Variants in ARHGEF18 observed in about 807,000 individuals in gnomAD.
ARHGEF18 encodes rho guanine nucleotide exchange factor 18.
In ARHGEF18, 93 loss-of-function variants were observed where a neutral mutation model predicts 155.7. That is an observed-to-expected ratio of 0.60 (90% CI 0.50 to 0.71). The LOEUF is 0.71. Among genes scored for constraint, ARHGEF18 ranks in the 30% least tolerant of loss-of-function variants. ARHGEF18 has a pLI of 0.00. For synonymous variants in ARHGEF18, 742 were observed against 753.1 expected, an observed-to-expected ratio of 0.99 and a Z score of 0.24; for missense variants, 1,593 against 1,816.1, an observed-to-expected ratio of 0.88 and a Z score of 2.23.
chr19:7,356,506 G>A (rs555516709), intron 1 of ARHGEF18, among the ~76,000 whole-genome samples: 5 of 151,954 alleles, frequency 3.3e-5, no homozygotes, highest in Middle Eastern at 3.4e-3. Flanking sequence ...ACTCCTGACC[G>A]CAGGTGATCC....
chr19:7,406,571 A>T (rs1972319547), intron 10 of ARHGEF18, among the ~76,000 whole-genome samples: 1 of 152,124 alleles, frequency 6.6e-6, no homozygotes, highest in African/African-American at 2.4e-5. Context: ...TTATAGATTC[A>T]GAGAGGGCAA....
At position 7,444,276 on chromosome 19, in the gene ARHGEF18, AG is replaced by A. The variant is rs1339494909; in HGVS notation, c.1435del (p.Glu479ArgfsTer68). 2 of 1,613,704 alleles carry A rather than the reference AG, an allele frequency of 1.2e-6. No individual in the cohort carries two copies. Among genetic ancestry groups the A allele is most frequent in the Non-Finnish European group, 1.7e-6 (2 of 1,180,026 alleles). ...IMLKVYSRAL[Q>X]EELQFSSKAI... ...CTGAAGGTGTACTCCAGGGCCCTGCAGGAGGAGCTGCAGTTCAGCAGCAAGG... is the reference window on the plus strand; with the variant it reads ...CTGAAGGTGTACTCCAGGGCCCTGCAGAGGAGCTGCAGTTCAGCAGCAAGG... On this transcript the variant is annotated frameshift_variant, in exon 14 of 29. Coordinates refer to ENST00000668164, the MANE Select transcript of ARHGEF18 (RefSeq NM_001367823.1). LOFTEE classifies it high-confidence loss of function. This position sits in a 1 kb window ranked among gnomAD's most constrained non-coding sequence, Gnocchi z 4.7.
At chr19:7,445,969 C>T (rs907992085) in intron 14 of ARHGEF18, among the ~76,000 whole-genome samples, 4 of 152,050 alleles carry the variant, frequency 2.6e-5, no homozygotes, top group Admixed American at 6.6e-5. Context: ...CTTTTTTTCT[C>T]GGCTCTCAGG....
intron 2 of ARHGEF18, among the ~76,000 whole-genome samples, chr19:7,363,687 GAGA>G (rs912898933): frequency 1.3e-5 from 2 of 151,672 alleles, no homozygotes; most frequent in African/African-American, 2.4e-5. Flanking sequence ...GTGGATGGAT[GAGA>G]AGAAATGTGA....
At position 7,385,945 on chromosome 19, in the gene ARHGEF18, C is replaced by CCT. The variant is rs1380908653; in HGVS notation, c.967+2754_967+2755dup. On this transcript the variant is annotated intron_variant, in intron 10 of 28. Coordinates refer to ENST00000668164, the MANE Select transcript of ARHGEF18 (RefSeq NM_001367823.1). ...CTCTCTCTCTCTCTCTCCCCCTCTC[C>CCT]CTCTCTCTCTCTCCCTCCCCCTCTC... is the stretch of plus-strand genomic sequence containing the variant. Among the ~76,000 whole-genome samples the CCT allele has an allele frequency of 9.2e-3, 618 of 66,916 alleles. 20 individuals are homozygous for CCT. The highest frequency in any genetic ancestry group is 0.023 in the South Asian group (33 of 1,408). The allele number at this position is 66,916 out of a possible 152,430, so 43.9% of individuals were successfully genotyped here.
intron 23 of ARHGEF18, among the ~76,000 whole-genome samples, chr19:7,465,939 C>T (rs1421389386): frequency 6.6e-6 from 1 of 151,898 alleles, no homozygotes; most frequent in Non-Finnish European, 1.5e-5. Flanking sequence ...TAAAAATTAG[C>T]TGGACGTGGT....
At chr19:7,387,955 G>GA (rs1971179068) in intron 10 of ARHGEF18, among the ~76,000 whole-genome samples, 1 of 150,622 alleles carries the variant, frequency 6.6e-6, no homozygotes, top group African/African-American at 2.4e-5. Context: ...ATGAGCCACC[G>GA]TGTCTGGCTC....
chr19:7,378,309 G>A (rs1469236723), intron 5 of ARHGEF18, 85 bp from the exon 6 acceptor site: 7 of 1,051,958 alleles, frequency 6.7e-6, no homozygotes, highest in Non-Finnish European at 8.5e-6. Context: ...GGGGCCCAGG[G>A]TGGCATCCGG....
chr19:7,364,342 A>C (rs557689542), intron 2 of ARHGEF18, among the ~76,000 whole-genome samples: 1 of 106,846 alleles, frequency 9.4e-6, no homozygotes, highest in Non-Finnish European at 2.0e-5. Flanking sequence ...GATGAGAGGA[A>C]GAAAGGAAGG....
At chr19:7,392,340 T>G (rs1971452228) in intron 10 of ARHGEF18, among the ~76,000 whole-genome samples, 1 of 150,972 alleles carries the variant, frequency 6.6e-6, no homozygotes, top group African/African-American at 2.4e-5. Context: ...TCTGAGAAAG[T>G]TGGTTTCTAT....
At chr19:7,391,084 C>T (rs1235311243) in intron 10 of ARHGEF18, among the ~76,000 whole-genome samples, 2 of 151,848 alleles carry the variant, frequency 1.3e-5, no homozygotes, top group Admixed American at 1.3e-4. Context: ...AAATCACAGA[C>T]CCTAACCCTG....
At chr19:7,355,530 C>A in intron 1 of ARHGEF18, 1 of 784,552 alleles carries the variant, frequency 1.3e-6, no homozygotes, top group Non-Finnish European at 1.5e-6. Flanking sequence ...TCTGGCAGAC[C>A]TTGGAGGCAG....
chr19:7,417,871 C>T (rs1417310178), intron 10 of ARHGEF18, among the ~76,000 whole-genome samples: 1 of 152,048 alleles, frequency 6.6e-6, no homozygotes, highest in Non-Finnish European at 1.5e-5. Flanking sequence ...TGGGTGGGGC[C>T]AGAGGTCCTG....
chr19:7,452,155 G>A (rs1372946532), intron 16 of ARHGEF18, among the ~76,000 whole-genome samples: 1 of 152,260 alleles, frequency 6.6e-6, no homozygotes, highest in Non-Finnish European at 1.5e-5. Context: ...CTCAGTGTTA[G>A]TGTCTGTGGA....
At chr19:7,466,855 G>T in intron 23 of ARHGEF18, 63 bp from the exon 24 acceptor site, 1 of 1,156,634 alleles carries the variant, frequency 8.6e-7, no homozygotes, top group Non-Finnish European at 1.2e-6. Flanking sequence ...GAAGAAGAAG[G>T]CTTGAGTCTA....
chr19:7,467,424 C>T lies in ARHGEF18; in HGVS notation c.3220C>T (p.Arg1074Cys). 1.3e-6 allele frequency: 2 copies of T among 1,531,620 alleles called. No individual in the cohort carries two copies. Among genetic ancestry groups the T allele is most frequent in the Non-Finnish European group, 1.7e-6 (2 of 1,145,188 alleles). 94.9% of individuals were successfully genotyped at this position (1,531,620 alleles called of 1,614,324 possible). The change falls in exon 26 of 29, where the codon CGC becomes TGC. Residue 1074 changes from arginine to cysteine, a missense_variant. Coordinates refer to ENST00000668164, the MANE Select transcript of ARHGEF18 (RefSeq NM_001367823.1). The part of the protein sequence containing the change: ...RHEQQRWERE[R>C]QWQHQELERA... ...CGAGCAGCAGCGCTGGGAGCGCGAG[C>T]GCCAGTGGCAGCACCAGGAGCTGGA...
At chr19:7,373,119 G>T in intron 3 of ARHGEF18, 48 bp downstream of exon 3, 1 of 1,233,962 alleles carries the variant, frequency 8.1e-7, no homozygotes, top group East Asian at 3.2e-5. Flanking sequence ...CCCTGGGACA[G>T]GGAAGAGGTC....
intron 10 of ARHGEF18, among the ~76,000 whole-genome samples, chr19:7,411,720 T>C (rs1467970100): frequency 1.3e-5 from 2 of 152,232 alleles, no homozygotes; most frequent in East Asian, 3.9e-4. Context: ...AACTTTCTCC[T>C]CTTCCCAAGC....
intron 10 of ARHGEF18, among the ~76,000 whole-genome samples, chr19:7,408,023 A>C (rs921364952): frequency 7.9e-4 from 120 of 150,976 alleles, no homozygotes; most frequent in Non-Finnish European, 1.6e-3. Context: ...TCACGCCTGT[A>C]ATCTCAGCAT....
Sources: gnomAD v4.1 joint callset for allele counts (sites outside exome capture counted in the v4.1 genomes callset) on GRCh38, gnomAD v4.1.1 for gene constraint, Gnocchi (gnomAD v3.1) non-coding constraint, MANE v1.5 for transcripts, NCBI Gene and HGNC (gene_info 2026-07-23, HGNC 2026-07-21) for gene names.